The following F13A1 variants were observed in gnomAD, a reference collection of about 807,000 sequenced individuals.
The protein encoded by F13A1 is FSF, A subunit.
Under a neutral mutation model 80.1 loss-of-function variants are expected in F13A1, and 47 were observed. The observed-to-expected ratio is 0.59, with a 90% CI of 0.46 to 0.75. F13A1 has a LOEUF of 0.75. F13A1 is among the 30% of genes least tolerant of loss of function. F13A1 has a pLI of 0.00. For missense variants in F13A1, 817 were observed against 930.4 expected (o/e 0.88, Z 1.59); for synonymous variants, 349 against 344.9 (o/e 1.01, Z -0.13).
intron 14 of F13A1, among the ~76,000 whole-genome samples, chr6:6,149,649 G>A (rs531492300): frequency 1.4e-4 from 21 of 152,274 alleles, no homozygotes; most frequent in African/African-American, 2.9e-4. Context: ...CGAATTGGTC[G>A]GCACCTTGTC....
chr6:6,208,191 T>C (rs1368762219), intron 8 of F13A1, among the ~76,000 whole-genome samples: 2 of 151,998 alleles, frequency 1.3e-5, no homozygotes, highest in East Asian at 1.9e-4. Context: ...AATGAAAAGA[T>C]AGAAATTATG....
At chr6:6,181,955 CAAAT>C (rs765913618) in intron 11 of F13A1, 29 bp downstream of exon 11, 76 of 1,612,738 alleles carry the variant, frequency 4.7e-5, no homozygotes, top group Non-Finnish European at 6.0e-5. Context: ...TGGACTTGGG[CAAAT>C]AAATCTTCAT....
chr6:6,167,929 C>A (rs190432494), intron 12 of F13A1, among the ~76,000 whole-genome samples: 2 of 152,132 alleles, frequency 1.3e-5, no homozygotes, highest in East Asian at 1.9e-4. Flanking sequence ...AAAGAAGGAC[C>A]AATGGGTTTT....
In F13A1 at chr6:6,174,605, G is replaced by A. The variant is rs1760844139; in HGVS notation, c.1722C>T (p.Phe574=). The change falls in exon 12 of 15, where the codon TTC becomes TTT. Residue 574 remains phenylalanine (F), a synonymous_variant. Transcript: ENST00000264870. Reference sequence around the variant, plus strand: ...AGGACAAGGGCTCCAGCGTCACGTCGAACGTCTCCTTCTTGAATTCTGCCT... The same window carrying A: ...AGGACAAGGGCTCCAGCGTCACGTCAAACGTCTCCTTCTTGAATTCTGCCT... The part of the protein sequence containing the change: ...VPKAEFKKET[F]DVTLEPLSFK... 9 of 1,614,010 alleles carry A rather than the reference G, an allele frequency of 5.6e-6. No homozygotes were observed. The highest frequency in any genetic ancestry group is 3.3e-5 in the South Asian group (3 of 91,076).
chr6:6,200,809 G>A (rs919104932), intron 8 of F13A1, among the ~76,000 whole-genome samples: 5 of 152,120 alleles, frequency 3.3e-5, no homozygotes, highest in Admixed American at 2.0e-4. Context: ...TGCAGGGAGA[G>A]AAGGGTACAG....
chr6:6,313,984 C>CACTTTTTTTTTTTTTTTTTT lies in F13A1; in HGVS notation c.130+4550_130+4551insAAAAAAAAAAAAAAAAAAGT, dbSNP rs374113663. On this transcript the variant is annotated intron_variant, in intron 2 of 14. Coordinates refer to ENST00000264870, the MANE Select transcript of F13A1 (RefSeq NM_000129.4). ...TCTCCTGTTCTCCATTTTCTCCTTACTCTTTTTTTTTTTTGAAACGGAGTC... is the reference window on the plus strand; with the variant it reads ...TCTCCTGTTCTCCATTTTCTCCTTACACTTTTTTTTTTTTTTTTTTTCTTTTTTTTTTTTGAAACGGAGTC... Among the ~76,000 whole-genome samples the CACTTTTTTTTTTTTTTTTTT allele has an allele frequency of 2.9e-5, 4 of 139,310 alleles. 2 individuals are homozygous for CACTTTTTTTTTTTTTTTTTT. The highest frequency in any genetic ancestry group is 6.1e-5 in the Non-Finnish European group (4 of 65,948). The allele number at this position is 139,310 out of a possible 152,430, so 91.4% of individuals were successfully genotyped here. A position where few individuals can be genotyped will look rare whatever the true frequency, so the allele number is the denominator to read the frequency against.
rs184913647 is a variant in F13A1, at chr6:6,287,485, G to C, written c.319+17866C>G. On this transcript the variant is annotated intron_variant, in intron 3 of 14. Coordinates refer to ENST00000264870, the MANE Select transcript of F13A1 (RefSeq NM_000129.4). Reference sequence around the variant, plus strand: ...AGGGTGAAGGCAAATTAGGGGAATAGGAAAGAGGGGAGAAAGCACAGGAGG... The same window carrying C: ...AGGGTGAAGGCAAATTAGGGGAATACGAAAGAGGGGAGAAAGCACAGGAGG... Among the ~76,000 whole-genome samples, 619 of 136,720 alleles carry C rather than the reference G, an allele frequency of 4.5e-3. 2 individuals carry two copies. The highest frequency in any genetic ancestry group is 7.2e-3 in the Middle Eastern group (2 of 278). 89.7% of individuals were successfully genotyped at this position (136,720 alleles called of 152,430 possible).
intron 2 of F13A1, among the ~76,000 whole-genome samples, chr6:6,312,317 C>T (rs1226400863): frequency 6.6e-6 from 1 of 151,720 alleles, no homozygotes; most frequent in African/African-American, 2.4e-5. Flanking sequence ...CACAGTGGTA[C>T]TATAAGTGGG....
At chr6:6,186,578 C>T (rs569324182) in intron 10 of F13A1, among the ~76,000 whole-genome samples, 4 of 152,310 alleles carry the variant, frequency 2.6e-5, no homozygotes, top group Non-Finnish European at 4.4e-5. Flanking sequence ...TTCCATTGAT[C>T]TATATCTCTA....
chr6:6,246,523 C>T (rs1328147996), intron 6 of F13A1, among the ~76,000 whole-genome samples: 4 of 152,170 alleles, frequency 2.6e-5, no homozygotes, highest in Non-Finnish European at 5.9e-5. Flanking sequence ...AAAACCAAAC[C>T]GTTTTCCAAA....
chr6:6,304,698 C>T (rs1583122583), intron 3 of F13A1, among the ~76,000 whole-genome samples: 1 of 151,810 alleles, frequency 6.6e-6, no homozygotes, highest in East Asian at 1.9e-4. Flanking sequence ...TCTGCCTCTA[C>T]CAAAAATACA....
chr6:6,205,682 C>CATT (rs1303037017), intron 8 of F13A1, among the ~76,000 whole-genome samples: 1 of 152,042 alleles, frequency 6.6e-6, no homozygotes, highest in Non-Finnish European at 1.5e-5. Context: ...CTTCTCCTTT[C>CATT]ATTTTTCCCC....
chr6:6,265,015 C>T (rs1345328698), intron 4 of F13A1, among the ~76,000 whole-genome samples: 1 of 152,174 alleles, frequency 6.6e-6, no homozygotes, highest in Non-Finnish European at 1.5e-5. Context: ...AATCCCAACA[C>T]TTTGGGAGGC....
intron 13 of F13A1, among the ~76,000 whole-genome samples, chr6:6,158,647 C>T (rs182252311): frequency 1.6e-4 from 24 of 152,082 alleles, no homozygotes; most frequent in Non-Finnish European, 3.2e-4. Flanking sequence ...ATCTTGGTGA[C>T]GAGAGTGCGA....
rs1415305981 is a variant in F13A1 at position 6,298,888 on chromosome 6, G to A, written c.319+6463C>T. ...GCATGATTTTGCAGTGGCTGGTACT[G>A]GTTGTTCCTTTCCATGTTTAGCGCT... On this transcript the variant is annotated intron_variant, in intron 3 of 14. Coordinates refer to ENST00000264870, the MANE Select transcript of F13A1 (RefSeq NM_000129.4). Among the ~76,000 whole-genome samples the A allele has an allele frequency of 2.2e-3, 326 of 148,484 alleles. 36 individuals carry two copies. The highest frequency in any genetic ancestry group is 8.1e-3 in the African/African-American group (308 of 38,246).
chr6:6,288,074 C>A (rs1029827743), intron 3 of F13A1, among the ~76,000 whole-genome samples: 3 of 152,178 alleles, frequency 2.0e-5, no homozygotes, highest in Admixed American at 6.5e-5. Context: ...TCTATGTATA[C>A]ATTGTAGAAA....
At position 6,220,561 on chromosome 6, in the gene F13A1, G is replaced by GTCTC. The variant is rs538123930; in HGVS notation, c.1112+1471_1112+1472insGAGA. 2.4e-3 allele frequency among the ~76,000 whole-genome samples: 352 copies of GTCTC among 147,062 alleles called. 1 individual carries two copies. Among genetic ancestry groups the GTCTC allele is most frequent in the African/African-American group, 8.3e-3 (331 of 39,946 alleles). On this transcript the variant is annotated intron_variant, in intron 8 of 14. Transcript: ENST00000264870. The stretch of plus-strand genomic sequence containing the variant: ...AAAGGCTGTGTGTGTGTGTCTGTGT[G>GTCTC]TCTGTCTGTGTGTGTGTGTGTGTGT...
chr6:6,308,061 T>C (rs977706565), intron 2 of F13A1, among the ~76,000 whole-genome samples: 3 of 152,096 alleles, frequency 2.0e-5, no homozygotes, highest in African/African-American at 7.2e-5. Flanking sequence ...TTACCCAGAC[T>C]GGAGTGCAGT....
chr6:6,251,000 A>C lies in F13A1; in HGVS notation c.572-71T>G. On this transcript the variant is annotated intron_variant, in intron 4 of 14. Coordinates refer to ENST00000264870, the MANE Select transcript of F13A1 (RefSeq NM_000129.4). The surrounding 1 kb of genome is among the most constrained non-coding windows in gnomAD (Gnocchi z 4.2). Reference sequence around the variant, plus strand: ...TTCCAAACACTTGCAAGTTTATGCAAGTTTATTTTGTTTCTAAACTACATT... The same window carrying C: ...TTCCAAACACTTGCAAGTTTATGCACGTTTATTTTGTTTCTAAACTACATT... 8.4e-7 allele frequency: 1 copy of C among 1,185,978 alleles called. No individual in the cohort carries two copies. The highest frequency in any genetic ancestry group is 1.3e-6 in the Non-Finnish European group (1 of 796,028). The allele number at this position is 1,185,978 out of a possible 1,614,324, so 73.5% of individuals were successfully genotyped here. A position where few individuals can be genotyped will look rare whatever the true frequency, so the allele number is the denominator to read the frequency against.
Sources: allele counts gnomAD v4.1 joint callset (sites outside exome capture counted in the v4.1 genomes callset), GRCh38; gene constraint gnomAD v4.1.1; non-coding constraint Gnocchi (gnomAD v3.1); transcripts MANE v1.5; gene names NCBI Gene and HGNC (gene_info 2026-07-23, HGNC 2026-07-21).